The following PLA2G4A variants were observed in gnomAD, a reference collection of about 807,000 sequenced individuals.
The protein encoded by PLA2G4A is cytosolic phospholipase A2.
PLA2G4A carries 40 observed loss-of-function variants against 81.9 expected under a neutral mutation model. The observed-to-expected ratio is 0.49, with a 90% CI of 0.38 to 0.64. PLA2G4A has a LOEUF of 0.64. Among genes scored for constraint, PLA2G4A ranks in the 30% least tolerant of loss-of-function variants. PLA2G4A has a pLI of 0.00. For missense variants in PLA2G4A, 715 were observed against 905.1 expected, an observed-to-expected ratio of 0.79 and a Z score of 2.69; for synonymous variants, 302 against 296.9, an observed-to-expected ratio of 1.02 and a Z score of -0.18.
intron 3 of PLA2G4A, among the ~76,000 whole-genome samples, chr1:186,872,199 A>G (rs1653298481): frequency 6.6e-6 from 1 of 151,860 alleles, no homozygotes; most frequent in Non-Finnish European, 1.5e-5. Context: ...CTTTATTAAT[A>G]TTTTTCTGAA....
chr1:186,940,511 C>G (rs1020612856), intron 10 of PLA2G4A, among the ~76,000 whole-genome samples: 1 of 152,124 alleles, frequency 6.6e-6, no homozygotes, highest in Non-Finnish European at 1.5e-5. Context: ...TCCAGGCCCC[C>G]CTGTGGATAC....
intron 5 of PLA2G4A, among the ~76,000 whole-genome samples, chr1:186,896,015 A>C (rs542207730): frequency 5.9e-5 from 9 of 151,408 alleles, no homozygotes; most frequent in Admixed American, 4.0e-4. Flanking sequence ...TGTATATTAC[A>C]TATGAATACA....
chr1:186,918,535 G>A (rs186891054), intron 7 of PLA2G4A, among the ~76,000 whole-genome samples: 95 of 152,290 alleles, frequency 6.2e-4, no homozygotes, highest in Non-Finnish European at 1.1e-3. Flanking sequence ...TTTAATGACA[G>A]CATCCAAAGT....
At chr1:186,830,506 G>C (rs1651508078) in intron 1 of PLA2G4A, among the ~76,000 whole-genome samples, 1 of 150,480 alleles carries the variant, frequency 6.6e-6, no homozygotes, top group African/African-American at 2.5e-5. Flanking sequence ...TACTTGGGAG[G>C]CTGAGGCATG....
intron 1 of PLA2G4A, among the ~76,000 whole-genome samples, chr1:186,845,303 T>C (rs1450075182): frequency 6.6e-6 from 1 of 152,146 alleles, no homozygotes; most frequent in Non-Finnish European, 1.5e-5. Flanking sequence ...ATCACCAGTT[T>C]CATAAACAAT....
At chr1:186,955,380 A>G (rs1656708889) in intron 13 of PLA2G4A, among the ~76,000 whole-genome samples, 1 of 152,140 alleles carries the variant, frequency 6.6e-6, no homozygotes, top group South Asian at 2.1e-4. Context: ...ACAGGGTAAG[A>G]TTTCTTAAGG....
intron 17 of PLA2G4A, among the ~76,000 whole-genome samples, chr1:186,986,650 A>G (rs12720702): frequency 0.054 from 8,276 of 152,316 alleles, 279 homozygotes; most frequent in Middle Eastern, 0.12. Flanking sequence ...TTTAAAAATA[A>G]CAAGCGTAAC....
At chr1:186,869,988 G>A (rs1653194074) in intron 2 of PLA2G4A, among the ~76,000 whole-genome samples, 1 of 152,064 alleles carries the variant, frequency 6.6e-6, no homozygotes, top group Admixed American at 6.6e-5. Context: ...GGTTCCATAG[G>A]GTTTTGAAAG....
rs570287884 is a variant in PLA2G4A at position 186,986,260 on chromosome 1, A to G, written c.2119-2117A>G. 2.6e-5 allele frequency among the ~76,000 whole-genome samples: 4 copies of G among 152,312 alleles called. No homozygotes were observed. In the East Asian group the frequency reaches 7.7e-4, roughly 29 times the overall value. On this transcript the variant is annotated intron_variant, in intron 17 of 17. Transcript: ENST00000367466. The stretch of plus-strand genomic sequence containing the variant: ...TTTTTTTTATGCTCAAGAATTCATT[A>G]TGAGGGAATTGATAGCAGCAATCAT...
At chr1:186,974,841 A>G (rs1224041840) in intron 15 of PLA2G4A, among the ~76,000 whole-genome samples, 9 of 152,242 alleles carry the variant, frequency 5.9e-5, no homozygotes, top group Non-Finnish European at 2.9e-5. Context: ...TGGTTTATCC[A>G]TGCTATAATC....
At chr1:186,971,929 G>A (rs538357955) in intron 15 of PLA2G4A, among the ~76,000 whole-genome samples, 1 of 151,986 alleles carries the variant, frequency 6.6e-6, no homozygotes, top group African/African-American at 2.4e-5. Flanking sequence ...CTGAAATATG[G>A]ATACTGCCTT....
intron 1 of PLA2G4A, among the ~76,000 whole-genome samples, chr1:186,837,106 G>A (rs1651803264): frequency 6.6e-6 from 1 of 152,182 alleles, no homozygotes; most frequent in African/African-American, 2.4e-5. Flanking sequence ...GAGCAAAGGA[G>A]GGAAAGTGGT....
Position 186,893,147 on chromosome 1 carries a change from A to T in PLA2G4A, c.252A>T (p.Glu84Asp). Residue 84 changes from glutamate (E) to aspartate (D), a missense_variant, in exon 4 of 18, where the codon GAA (glutamate) becomes GAT (aspartate). Coordinates refer to ENST00000367466, the MANE Select transcript of PLA2G4A (RefSeq NM_024420.3). ...AATTTATTTTGGATCCTAATCAGGA[A>T]AATGTTTTGGAGGTAAGTGAACCAT... is the stretch of plus-strand genomic sequence containing the variant. ...TFEFILDPNQ[E>D]NVLEITLMDA... The T allele has an allele frequency of 6.2e-7, 1 of 1,612,740 alleles. No homozygotes were observed. The highest frequency in any genetic ancestry group is 8.5e-7 in the Non-Finnish European group (1 of 1,178,792).
chr1:186,943,640 T>A (rs1656236274), intron 10 of PLA2G4A, among the ~76,000 whole-genome samples: 1 of 152,088 alleles, frequency 6.6e-6, no homozygotes, highest in Admixed American at 6.6e-5. Context: ...ATCTATCAAG[T>A]ACGGGTAAAA....
intron 1 of PLA2G4A, among the ~76,000 whole-genome samples, chr1:186,840,968 C>T (rs1034590792): frequency 6.6e-6 from 1 of 152,238 alleles, no homozygotes; most frequent in Non-Finnish European, 1.5e-5. Flanking sequence ...TCAAAACACA[C>T]TTCTTTTCCT....
At chr1:186,935,204 C>T (rs767738043) in intron 8 of PLA2G4A, among the ~76,000 whole-genome samples, 1 of 151,722 alleles carries the variant, frequency 6.6e-6, no homozygotes, top group Non-Finnish European at 1.5e-5. Context: ...GTGGTTTTAG[C>T]AGGAACCACT....
chr1:186,833,708 C>T lies in PLA2G4A; in HGVS notation c.-70+4673C>T, dbSNP rs76567578. On this transcript the variant is annotated intron_variant, in intron 1 of 17. Coordinates refer to ENST00000367466, the MANE Select transcript of PLA2G4A (RefSeq NM_024420.3). ...TTTGTGATTCTTAGTGCAAATCTTACAACACACCTTGAAAATACAGTTTAC... is the reference window on the plus strand; with the variant it reads ...TTTGTGATTCTTAGTGCAAATCTTATAACACACCTTGAAAATACAGTTTAC... Among the ~76,000 whole-genome samples the T allele has an allele frequency of 4.4e-3, 675 of 152,252 alleles. 1 individual carries two copies. Among genetic ancestry groups the T allele is most frequent in the African/African-American group, 0.016 (647 of 41,550 alleles).
intron 2 of PLA2G4A, among the ~76,000 whole-genome samples, chr1:186,867,272 A>C (rs1366512861): frequency 6.6e-6 from 1 of 152,038 alleles, no homozygotes; most frequent in Non-Finnish European, 1.5e-5. Context: ...TCTTTGTTGA[A>C]TCTATAGATC....
At chr1:186,958,833 T>C (rs1203069418) in intron 14 of PLA2G4A, among the ~76,000 whole-genome samples, 2 of 152,216 alleles carry the variant, frequency 1.3e-5, no homozygotes, top group Non-Finnish European at 2.9e-5. Flanking sequence ...CAATATTTTA[T>C]GTAGATTTGG....
Sources: allele counts gnomAD v4.1 joint callset (sites outside exome capture counted in the v4.1 genomes callset), GRCh38; gene constraint gnomAD v4.1.1; transcripts MANE v1.5; gene names NCBI Gene and HGNC (gene_info 2026-07-23, HGNC 2026-07-21).